Variants in IMMP2L observed in about 807,000 individuals in gnomAD.
IMMP2L encodes mitochondrial inner membrane protease subunit 2.
In IMMP2L, 18 loss-of-function variants were observed where a neutral mutation model predicts 19.3. The observed-to-expected ratio is 0.93, with a 90% CI of 0.64 to 1.38. The LOEUF is 1.38. Among genes scored for constraint, IMMP2L ranks in the 40% most tolerant of loss-of-function variants. IMMP2L has a pLI of 0.00. For synonymous variants in IMMP2L, 76 were observed against 73.0 expected, an observed-to-expected ratio of 1.04 and a Z score of -0.21; for missense variants, 233 against 218.2, an observed-to-expected ratio of 1.07 and a Z score of -0.43.
intron 5 of IMMP2L, among the ~76,000 whole-genome samples, chr7:110,812,928 A>G (rs555915319): frequency 7.0e-4 from 107 of 152,208 alleles, no homozygotes; most frequent in African/African-American, 2.5e-3. Context: ...ATTAAAATAT[A>G]CATACATTCA....
chr7:110,957,759 C>G (rs876396), intron 4 of IMMP2L, among the ~76,000 whole-genome samples: 68,365 of 151,798 alleles, frequency 0.45, 17,226 homozygotes, highest in Non-Finnish European at 0.58. Context: ...TAGTATGACT[C>G]TTTCCCTGTC....
chr7:111,543,190 A>T (rs1283350239), intron 1 of IMMP2L, among the ~76,000 whole-genome samples: 1 of 152,208 alleles, frequency 6.6e-6, no homozygotes, highest in Non-Finnish European at 1.5e-5. Context: ...AAAAGCAAAT[A>T]CAGAATAAAG....
chr7:111,170,151 G>T (rs1278583064), intron 3 of IMMP2L, among the ~76,000 whole-genome samples: 1 of 151,602 alleles, frequency 6.6e-6, no homozygotes, highest in African/African-American at 2.4e-5. Context: ...TTGCCATTTG[G>T]AAGAAAAAAA....
intron 3 of IMMP2L, among the ~76,000 whole-genome samples, chr7:111,136,669 C>T (rs2129596168): frequency 6.6e-6 from 1 of 152,236 alleles, no homozygotes. Flanking sequence ...GTAGTATTAA[C>T]CAAATTCCTG....
chr7:111,549,832 T>C (rs1849278609), intron 1 of IMMP2L, among the ~76,000 whole-genome samples: 1 of 151,740 alleles, frequency 6.6e-6, no homozygotes, highest in Non-Finnish European at 1.5e-5. Context: ...TCCCAGCTAC[T>C]TGGGAGGCTG....
intron 3 of IMMP2L, among the ~76,000 whole-genome samples, chr7:111,093,710 G>C (rs1797103762): frequency 6.6e-6 from 1 of 152,144 alleles, no homozygotes; most frequent in African/African-American, 2.4e-5. Flanking sequence ...CCCCGGTGTT[G>C]CCACTCAGTG....
chr7:111,551,504 G>A (rs1849457024), intron 1 of IMMP2L, among the ~76,000 whole-genome samples: 1 of 150,374 alleles, frequency 6.7e-6, no homozygotes, highest in African/African-American at 2.5e-5. Context: ...AGGTGTGTGT[G>A]TGTGTGTGTG....
At chr7:111,011,116 A>G (rs1224936383) in intron 3 of IMMP2L, among the ~76,000 whole-genome samples, 1 of 152,074 alleles carries the variant, frequency 6.6e-6, no homozygotes, top group Non-Finnish European at 1.5e-5. Flanking sequence ...TAGAGATGTG[A>G]TAACAGGCAA....
At chr7:111,513,270 G>C (rs990446766) in intron 2 of IMMP2L, among the ~76,000 whole-genome samples, 1 of 151,994 alleles carries the variant, frequency 6.6e-6, no homozygotes, top group Non-Finnish European at 1.5e-5. Flanking sequence ...TCTATAGCAA[G>C]AAAACAACTT....
At chr7:111,415,065 A>G (rs34245208) in intron 3 of IMMP2L, among the ~76,000 whole-genome samples, 13 of 151,848 alleles carry the variant, frequency 8.6e-5, no homozygotes, top group Non-Finnish European at 1.5e-4. Context: ...CGAGTTTGTC[A>G]AAACAGAGAT....
intron 4 of IMMP2L, among the ~76,000 whole-genome samples, chr7:110,938,952 C>G (rs969991170): frequency 6.6e-6 from 1 of 152,088 alleles, no homozygotes. Context: ...ACAGATTCTG[C>G]AACTGACTTC....
chr7:111,159,602 T>A (rs1309922260), intron 3 of IMMP2L, among the ~76,000 whole-genome samples: 1 of 152,180 alleles, frequency 6.6e-6, no homozygotes, highest in Non-Finnish European at 1.5e-5. Flanking sequence ...ATAAGCTAAC[T>A]GCCTTAAATG....
chr7:111,492,613 C>A (rs1174054335), intron 2 of IMMP2L, among the ~76,000 whole-genome samples: 1 of 152,178 alleles, frequency 6.6e-6, no homozygotes, highest in East Asian at 1.9e-4. Flanking sequence ...CCCCACTGAC[C>A]CAAATTTTAA....
chr7:111,324,546 G>A (rs1213625775), intron 3 of IMMP2L, among the ~76,000 whole-genome samples: 1 of 151,658 alleles, frequency 6.6e-6, no homozygotes, highest in Admixed American at 6.6e-5. Context: ...AAAACATGAA[G>A]GCATGTTTGA....
chr7:111,552,382 G>A (rs1701129552), intron 1 of IMMP2L, among the ~76,000 whole-genome samples: 2 of 152,078 alleles, frequency 1.3e-5, no homozygotes, highest in South Asian at 4.1e-4. Flanking sequence ...CCACCTCCAG[G>A]GTTCAAGAGA....
intron 3 of IMMP2L, among the ~76,000 whole-genome samples, chr7:111,288,795 T>C (rs1051882485): frequency 1.3e-5 from 2 of 152,036 alleles, no homozygotes; most frequent in African/African-American, 2.4e-5. Context: ...TGTGGAGAAA[T>C]AGGAACGCTT....
chr7:110,949,814 A>G (rs1377676744), intron 4 of IMMP2L, among the ~76,000 whole-genome samples: 1 of 152,198 alleles, frequency 6.6e-6, no homozygotes, highest in Admixed American at 6.6e-5. Flanking sequence ...GCAGGTTAAG[A>G]TTAGAAAGAT....
At chr7:111,414,108 C>T (rs1379338564) in intron 3 of IMMP2L, among the ~76,000 whole-genome samples, 1 of 151,718 alleles carries the variant, frequency 6.6e-6, no homozygotes, top group Non-Finnish European at 1.5e-5. Flanking sequence ...TGACCCCCTC[C>T]TCAGGGGCTG....
intron 3 of IMMP2L, among the ~76,000 whole-genome samples, chr7:111,079,364 A>T (rs1004309895): frequency 3.3e-5 from 5 of 151,698 alleles, no homozygotes; most frequent in African/African-American, 9.7e-5. Context: ...TGATCCACCC[A>T]CCTCGGCCTC....
Sources: allele counts gnomAD v4.1 joint callset (sites outside exome capture counted in the v4.1 genomes callset), GRCh38; gene constraint gnomAD v4.1.1; transcripts MANE v1.5; gene names NCBI Gene and HGNC (gene_info 2026-07-23, HGNC 2026-07-21).